Variants in C21orf58 observed in about 807,000 individuals in gnomAD.
The protein encoded by C21orf58 is chromosome 21 open reading frame 58.
A neutral mutation model predicts 35.8 loss-of-function variants in C21orf58; 34 were observed. The observed-to-expected ratio is 0.95, with a 90% CI of 0.72 to 1.26. The LOEUF is 1.26. Among genes scored for constraint, C21orf58 ranks in the 50% most tolerant of loss-of-function variants. The probability of loss-of-function intolerance (pLI) is 0.00; values close to 1 mark genes in which losing one functional copy is unlikely to be tolerated. For missense variants in C21orf58, 440 were observed against 414.3 expected (o/e 1.06, Z -0.54); for synonymous variants, 191 against 175.8 (o/e 1.09, Z -0.68).
At position 46,302,491 on chromosome 21, in the gene C21orf58, G is replaced by A; in HGVS notation, c.807C>T (p.Ala269=). The A allele has an allele frequency of 1.9e-6, 3 of 1,609,588 alleles. No individual in the cohort carries two copies. Among genetic ancestry groups the A allele is most frequent in the Non-Finnish European group, 2.5e-6 (3 of 1,177,414 alleles). ...QNWMLKALPP[A]LQDPPHVPPR... is the part of the protein sequence containing the mutation. ...TGCTGGGGGCTAAGCCTACCTGCAG[G>A]GCTGGGGGCAGGGCCTTGAGCATCC... The change falls in exon 7 of 8, where the codon GCC becomes GCT. Residue 269 remains alanine (A), a synonymous_variant. Transcript: ENST00000291691.
intron 5 of C21orf58, 49 bp downstream of exon 5, chr21:46,314,667 C>A: frequency 7.4e-7 from 1 of 1,346,630 alleles, no homozygotes; most frequent in Non-Finnish European, 9.9e-7. Context: ...ATCTTAATTC[C>A]GCACCCGCCT....
At chr21:46,313,192 T>A (rs1304807795) in intron 5 of C21orf58, 12 of 291,268 alleles carry the variant, frequency 4.1e-5, no homozygotes, top group Non-Finnish European at 5.6e-5. Context: ...CAAATGGGCC[T>A]GGCCCAATAA....
chr21:46,320,224 T>A (rs1217796613), intron 1 of C21orf58, among the ~76,000 whole-genome samples: 1 of 151,742 alleles, frequency 6.6e-6, no homozygotes, highest in Non-Finnish European at 1.5e-5. Flanking sequence ...TGCCTCAGCC[T>A]CCCGAGTAGC....
intron 5 of C21orf58, 51 bp downstream of exon 5, chr21:46,314,665 T>C (rs1601690790): frequency 7.4e-7 from 1 of 1,344,982 alleles, no homozygotes; most frequent in Non-Finnish European, 9.9e-7. Context: ...AAATCTTAAT[T>C]CCGCACCCGC....
At chr21:46,313,311 C>A (rs1254802126) in intron 5 of C21orf58, among the ~76,000 whole-genome samples, 1 of 152,204 alleles carries the variant, frequency 6.6e-6, no homozygotes, top group Non-Finnish European at 1.5e-5. Flanking sequence ...TAAAACCATT[C>A]TTGGCTTGCA....
intron 4 of C21orf58, 146 bp from the exon 5 acceptor site, chr21:46,315,026 G>C (rs1282347185): frequency 6.5e-7 from 1 of 1,543,492 alleles, no homozygotes; most frequent in Non-Finnish European, 8.7e-7. Context: ...ACCCTTCCAG[G>C]GTTATGTGCA....
intron 6 of C21orf58, among the ~76,000 whole-genome samples, chr21:46,303,092 A>T (rs1014374391): frequency 3.3e-5 from 5 of 152,200 alleles, no homozygotes; most frequent in African/African-American, 1.2e-4. Flanking sequence ...TGAACTCAAG[A>T]GGCAGAGCTT....
At chr21:46,303,712 T>C (rs1246270488) in intron 6 of C21orf58, among the ~76,000 whole-genome samples, 2 of 34,408 alleles carry the variant, frequency 5.8e-5, no homozygotes, top group African/African-American at 2.9e-4. Context: ...ACACAAAATA[T>C]ATATATATAT....
intron 2 of C21orf58, 47 bp from the exon 3 acceptor site, chr21:46,317,315 G>T (rs1236584866): frequency 1.3e-6 from 2 of 1,595,422 alleles, no homozygotes; most frequent in Non-Finnish European, 1.7e-6. Context: ...CCACGCAAAG[G>T]CCCTGTGTGC....
At chr21:46,318,648 C>G (rs958625192) in intron 1 of C21orf58, 2 of 1,080,266 alleles carry the variant, frequency 1.9e-6, no homozygotes, top group Non-Finnish European at 2.3e-6. Flanking sequence ...ACTGGGAGGA[C>G]AGGGTGAGGA....
At chr21:46,310,490 AT>A (rs1157921145) in intron 6 of C21orf58, among the ~76,000 whole-genome samples, 110 of 147,290 alleles carry the variant, frequency 7.5e-4, no homozygotes, top group African/African-American at 2.7e-3. Context: ...AACAAAAAAA[AT>A]AAAAATAAAA....
Position 46,302,393 on chromosome 21 carries a change from T to C in C21orf58, c.813+92A>G, listed in dbSNP as rs555952038. On this transcript the variant is annotated intron_variant, in intron 7 of 7. Transcript: ENST00000291691. ...CTGTAGACCTGAGCCAGGAATGCCC[T>C]TTCAGAGCTACACAGATGCAGAAAT... The C allele has an allele frequency of 3.5e-6, 4 of 1,148,218 alleles. No individual in the cohort carries two copies. The South Asian group carries it at 4.2e-5, about 12-fold the overall frequency. The allele number at this position is 1,148,218 out of a possible 1,614,324, so 71.1% of individuals were successfully genotyped here. A position where few individuals can be genotyped will look rare whatever the true frequency, so the allele number is the denominator to read the frequency against.
At chr21:46,311,606 T>C in intron 5 of C21orf58, 39 bp from the exon 6 acceptor site, 1 of 1,282,718 alleles carries the variant, frequency 7.8e-7, no homozygotes, top group East Asian at 2.4e-5. Flanking sequence ...GCATATGTCC[T>C]TGAAGAAAGT....
At chr21:46,307,455 C>T (rs2145969971) in intron 6 of C21orf58, among the ~76,000 whole-genome samples, 1 of 152,330 alleles carries the variant, frequency 6.6e-6, no homozygotes, top group African/African-American at 2.4e-5. Flanking sequence ...CACCCACACA[C>T]ACACCCCTAC....
chr21:46,311,583 T>C lies in C21orf58; in HGVS notation c.610-16A>G. ...GCTGGGGGACCTAGGAACAGCCAGGTGATTAGCTATCTGCATATGTCCTTG... is the reference window on the plus strand; with the variant it reads ...GCTGGGGGACCTAGGAACAGCCAGGCGATTAGCTATCTGCATATGTCCTTG... On this transcript the variant is annotated splice_polypyrimidine_tract_variant and intron_variant, in intron 5 of 7. Coordinates refer to ENST00000291691, the MANE Select transcript of C21orf58 (RefSeq NM_058180.5). The C allele has an allele frequency of 1.3e-6, 2 of 1,506,332 alleles. No homozygotes were observed. The highest frequency in any genetic ancestry group is 1.8e-6 in the Non-Finnish European group (2 of 1,090,436). 93.3% of individuals were successfully genotyped at this position (1,506,332 alleles called of 1,614,324 possible). A position where few individuals can be genotyped will look rare whatever the true frequency, so the allele number is the denominator to read the frequency against.
At chr21:46,321,901 C>CAGCTT (rs754357912) in intron 1 of C21orf58, among the ~76,000 whole-genome samples, 14 of 119,132 alleles carry the variant, frequency 1.2e-4, no homozygotes, top group Non-Finnish European at 2.0e-4. Flanking sequence ...ATCTGGGCAG[C>CAGCTT]TTTTTTTTTT....
In C21orf58 at chr21:46,322,771, T is replaced by C; in HGVS notation, c.-33A>G. 2.2e-6 allele frequency: 3 copies of C among 1,394,108 alleles called. No homozygotes were observed. The highest frequency in any genetic ancestry group is 2.8e-6 in the Non-Finnish European group (3 of 1,053,594). 86.4% of individuals were successfully genotyped at this position (1,394,108 alleles called of 1,614,324 possible). Reference sequence around the variant, plus strand: ...TAGCCTGGGCGTCGCAGCGAGACTGTCTCAAAAAAAGAAAAAAAATTCTGA... The same window carrying C: ...TAGCCTGGGCGTCGCAGCGAGACTGCCTCAAAAAAAGAAAAAAAATTCTGA... On this transcript the variant is annotated 5_prime_UTR_variant, in exon 1 of 8. Coordinates refer to ENST00000291691, the MANE Select transcript of C21orf58 (RefSeq NM_058180.5).
chr21:46,317,182 G>C, intron 3 of C21orf58, 26 bp downstream of exon 3: 1 of 1,604,152 alleles, frequency 6.2e-7, no homozygotes, highest in Non-Finnish European at 8.5e-7. Context: ...GTCTGTGCTG[G>C]TTCCAAGCAG....
chr21:46,320,283 G>T (rs1387838009), intron 1 of C21orf58, among the ~76,000 whole-genome samples: 1 of 151,788 alleles, frequency 6.6e-6, no homozygotes, highest in Non-Finnish European at 1.5e-5. Flanking sequence ...TTGTATTTTT[G>T]GTAGAGATGG....
Sources: allele counts gnomAD v4.1 joint callset (sites outside exome capture counted in the v4.1 genomes callset), GRCh38; gene constraint gnomAD v4.1.1; transcripts MANE v1.5; gene names NCBI Gene and HGNC (gene_info 2026-07-23, HGNC 2026-07-21).